The following RPF1 variants were observed in gnomAD, a reference collection of about 807,000 sequenced individuals.
RPF1 encodes the protein ribosome production factor 1 homolog.
Under a neutral mutation model 41.9 loss-of-function variants are expected in RPF1, and 34 were observed. That is an observed-to-expected ratio of 0.81 (90% CI 0.62 to 1.08). The LOEUF (loss-of-function observed/expected upper bound fraction) is 1.08. Among genes scored for constraint, RPF1 ranks in the 50% least tolerant of loss-of-function variants. The probability of loss-of-function intolerance (pLI) is 0.00; values close to 1 mark genes in which losing one functional copy is unlikely to be tolerated. For missense variants in RPF1, 425 were observed against 435.2 expected (o/e 0.98, Z 0.21); for synonymous variants, 140 against 148.9 (o/e 0.94, Z 0.43).
At chr1:84,492,053 TG>T (rs1436267615) in intron 5 of RPF1, among the ~76,000 whole-genome samples, 2 of 151,896 alleles carry the variant, frequency 1.3e-5, no homozygotes, top group Non-Finnish European at 2.9e-5. Context: ...CCCACCTACT[TG>T]GGAGGCTGAT....
intron 5 of RPF1, among the ~76,000 whole-genome samples, chr1:84,493,774 A>T (rs1681880761): frequency 6.6e-6 from 1 of 152,202 alleles, no homozygotes; most frequent in Admixed American, 6.5e-5. Context: ...AGATGAGTAA[A>T]ACGTTGCAGG....
intron 1 of RPF1, among the ~76,000 whole-genome samples, chr1:84,479,785 TTAGTAGTGAAAAC>T: frequency 6.6e-6 from 1 of 152,324 alleles, no homozygotes; most frequent in Middle Eastern, 3.4e-3. Context: ...GCCAGTTGGC[TTAGTAGTGAAAAC>T]TACGCCCTCC....
At chr1:84,484,414 C>A (rs1681704479) in intron 3 of RPF1, among the ~76,000 whole-genome samples, 2 of 151,202 alleles carry the variant, frequency 1.3e-5, no homozygotes, top group Admixed American at 1.3e-4. Context: ...ACTAGCTGTT[C>A]CAATAATGTC....
At chr1:84,488,925 C>T (rs565499582) in intron 3 of RPF1, among the ~76,000 whole-genome samples, 1 of 151,950 alleles carries the variant, frequency 6.6e-6, no homozygotes, top group Non-Finnish European at 1.5e-5. Flanking sequence ...GTCCACTTTT[C>T]GTTCCTAATA....
Position 84,490,410 on chromosome 1 carries a change from C to T in RPF1, c.554C>T (p.Pro185Leu). The T allele has an allele frequency of 6.2e-7, 1 of 1,611,636 alleles. No individual in the cohort carries two copies. ...RRGLALKKII[P>L]QCIARDFTDL... ...GGACTGGCTCTGAAAAAAATTATTC[C>T]ACAGTGCATCGCAAGAGATTTCACA... Residue 185 changes from proline (P) to leucine (L), a missense_variant, in exon 5 of 9, where the codon CCA becomes CTA. By Grantham distance (98) the Pro-to-Leu change is moderately conservative. Coordinates refer to ENST00000370654, the MANE Select transcript of RPF1 (RefSeq NM_025065.7).
chr1:84,495,468 CATTTCTTT>C lies in RPF1; in HGVS notation c.699+14_699+21del. 1 of 1,148,582 alleles carries C rather than the reference CATTTCTTT, an allele frequency of 8.7e-7. No individual in the cohort carries two copies. Among genetic ancestry groups the C allele is most frequent in the Non-Finnish European group, 1.3e-6 (1 of 780,164 alleles). 71.1% of individuals were successfully genotyped at this position (1,148,582 alleles called of 1,614,324 possible). A position where few individuals can be genotyped will look rare whatever the true frequency, so the allele number is the denominator to read the frequency against. ...TAAAGAAATTAAGGTAAGTTTTATA[CATTTCTTT>C]GATTGGCATTGATCTCTTCACAATA... On this transcript the variant is annotated intron_variant, in intron 6 of 8. Transcript: ENST00000370654.
At chr1:84,495,177 G>A (rs963906980) in intron 5 of RPF1, among the ~76,000 whole-genome samples, 196 bp from the exon 6 acceptor site, 1 of 152,146 alleles carries the variant, frequency 6.6e-6, no homozygotes, top group Non-Finnish European at 1.5e-5. Context: ...CTCTAGGTTA[G>A]TCTATATTCT....
In RPF1 at chr1:84,482,892, G is replaced by A. The variant is rs747076367; in HGVS notation, c.286-23G>A. On this transcript the variant is annotated intron_variant, in intron 2 of 8. Coordinates refer to ENST00000370654, the MANE Select transcript of RPF1 (RefSeq NM_025065.7). ...AATTAATGTAAAATCCTTCTAAAAT[G>A]TAATCCCTTCTCTTTTACTTAGGCT... 9 of 1,462,320 alleles carry A rather than the reference G, an allele frequency of 6.2e-6. No homozygotes were observed. In the African/African-American group the frequency reaches 8.4e-5, roughly 14 times the overall value. 90.6% of individuals were successfully genotyped at this position (1,462,320 alleles called of 1,614,324 possible).
At chr1:84,490,069 A>G (rs12124731) in intron 4 of RPF1, among the ~76,000 whole-genome samples, 29,195 of 152,098 alleles carry the variant, frequency 0.19, 2,856 homozygotes, top group South Asian at 0.31. Flanking sequence ...AGTCATAACC[A>G]TCAAAAATGT....
At chr1:84,497,378 TTA>T in intron 8 of RPF1, 49 bp from the exon 9 acceptor site, 1 of 1,468,692 alleles carries the variant, frequency 6.8e-7, no homozygotes, top group Non-Finnish European at 9.5e-7. Context: ...GAATTGTTAA[TTA>T]TATTTTTGTT....
At chr1:84,491,283 G>A (rs1377008504) in intron 5 of RPF1, among the ~76,000 whole-genome samples, 1 of 151,986 alleles carries the variant, frequency 6.6e-6, no homozygotes, top group African/African-American at 2.4e-5. Context: ...ATGACCAATT[G>A]AATGAGTCAT....
intron 5 of RPF1, among the ~76,000 whole-genome samples, chr1:84,491,326 T>A (rs920326706): frequency 6.6e-5 from 10 of 152,192 alleles, no homozygotes; most frequent in Non-Finnish European, 1.5e-4. Flanking sequence ...AAAATAAAAT[T>A]ATAAAGAATT....
intron 3 of RPF1, among the ~76,000 whole-genome samples, chr1:84,488,734 ATTTTG>A (rs1305544599): frequency 2.0e-5 from 3 of 151,994 alleles, no homozygotes; most frequent in Non-Finnish European, 2.9e-5. Flanking sequence ...TATTCTTATG[ATTTTG>A]TTTTGTTTTG....
intron 2 of RPF1, 37 bp from the exon 3 acceptor site, chr1:84,482,878 A>G: frequency 7.6e-7 from 1 of 1,308,458 alleles, no homozygotes; most frequent in Non-Finnish European, 1.1e-6. Flanking sequence ...ATTAATGTAA[A>G]ATCCTTCTAA....
chr1:84,479,516 G>C lies in RPF1; in HGVS notation c.228+7G>C. The C allele has an allele frequency of 1.2e-6, 2 of 1,613,056 alleles. No homozygotes were observed. Among genetic ancestry groups the C allele is most frequent in the Non-Finnish European group, 1.7e-6 (2 of 1,179,214 alleles). ...GAAACAGCAGCAGCGGAAGGTACGC[G>C]AGAGGCGGGGGCTGCCGGGCGCTTG... On this transcript the variant is annotated splice_region_variant and intron_variant, in intron 1 of 8. Transcript: ENST00000370654.
At position 84,490,323 on chromosome 1, in the gene RPF1, C is replaced by T. The variant is rs370623023; in HGVS notation, c.467C>T (p.Thr156Ile). Residue 156 changes from threonine to isoleucine, a missense_variant, in exon 5 of 9, where the codon ACA becomes ATA. Coordinates refer to ENST00000370654, the MANE Select transcript of RPF1 (RefSeq NM_025065.7). ...ITTSDRPHGR[T>I]VRLCEQLSTV... is the part of the protein sequence containing the mutation. The stretch of plus-strand genomic sequence containing the variant: ...TTTTGTTATTTTGTTTTGCAGAGAA[C>T]AGTACGACTCTGTGAACAGCTCTCC... The T allele has an allele frequency of 9.6e-5, 151 of 1,568,328 alleles. No homozygotes were observed. The highest frequency in any genetic ancestry group is 1.5e-4 in the African/African-American group (11 of 71,890).
chr1:84,490,222 A>G (rs1401487020), intron 4 of RPF1, 97 bp from the exon 5 acceptor site: 5 of 777,128 alleles, frequency 6.4e-6, no homozygotes, highest in African/African-American at 5.5e-5. Context: ...TCTATTAATC[A>G]TAATAATTAT....
chr1:84,482,814 ATTGAGT>A (rs1393672288), intron 2 of RPF1, 95 bp from the exon 3 acceptor site: 2 of 680,656 alleles, frequency 2.9e-6, no homozygotes, highest in African/African-American at 3.6e-5. Context: ...TGAGGAACAG[ATTGAGT>A]TTGGGGTTAT....
chr1:84,495,406 CA>C lies in RPF1; in HGVS notation c.652del (p.Thr218LeufsTer6). 1 of 1,538,802 alleles carries C rather than the reference CA, an allele frequency of 6.5e-7. No individual in the cohort carries two copies. The highest frequency in any genetic ancestry group is 8.9e-7 in the Non-Finnish European group (1 of 1,126,920). On this transcript the variant is annotated frameshift_variant, in exon 6 of 9. Transcript: ENST00000370654. LOFTEE classifies it high-confidence loss of function. ...ATTTTGAGTCACTTGCCAAATGGCC[CA>C]ACTGCTCATTTTAAAATGAGCAGTG... ...GLILSHLPNG[P>X]TAHFKMSSVR...
Sources: gnomAD v4.1 joint callset for allele counts (sites outside exome capture counted in the v4.1 genomes callset) on GRCh38, gnomAD v4.1.1 for gene constraint, MANE v1.5 for transcripts, NCBI Gene and HGNC (gene_info 2026-07-23, HGNC 2026-07-21) for gene names.